NRDE2: variants seen among roughly 807,000 people sequenced by gnomAD.
The protein encoded by NRDE2 is nuclear exosome regulator NRDE2.
Under a neutral mutation model 124.2 loss-of-function variants are expected in NRDE2, and 76 were observed. The observed-to-expected ratio is 0.61, with a 90% confidence interval of 0.51 to 0.74. The LOEUF (loss-of-function observed/expected upper bound fraction) is 0.74. Among genes scored for constraint, NRDE2 ranks in the 30% least tolerant of loss-of-function variants. The pLI is 0.00. For synonymous variants in NRDE2, 489 were observed against 528.1 expected (o/e 0.93, Z 1.01); for missense variants, 1,314 against 1,417.3 (o/e 0.93, Z 1.17).
chr14:90,297,004 T>A (rs2139682944), intron 8 of NRDE2, among the ~76,000 whole-genome samples: 1 of 152,038 alleles, frequency 6.6e-6, no homozygotes, highest in Admixed American at 6.5e-5. Context: ...GAGGGCGTGG[T>A]GGTGCATACC....
Position 90,268,126 on chromosome 14 carries a change from G to A in NRDE2, c.*10210C>T. ...CATGCCTTAGCATGAGGGCCCGCCT[G>A]TTTTTGGTGTCCATTTAAGGTGGTA... On this transcript the variant is annotated 3_prime_UTR_variant, in exon 14 of 14. Transcript: ENST00000354366. 9.9e-7 allele frequency: 1 copy of A among 1,011,240 alleles called. No individual in the cohort carries two copies. Among genetic ancestry groups the A allele is most frequent in the Non-Finnish European group, 1.4e-6 (1 of 714,660 alleles). 62.6% of individuals were successfully genotyped at this position (1,011,240 alleles called of 1,614,324 possible).
In NRDE2 at chr14:90,288,853, G is replaced by A. The variant is rs1477055683; in HGVS notation, c.2522C>T (p.Ala841Val). ...EVELSPEVRR[A>V]ATARAVHILT... ...TATGTGAACAGCTCGAGCTGTGGCA[G>A]CCCTTCTCACTTCTGGCGACAGCTC... Residue 841 changes from alanine (A) to valine (V), a missense_variant, in exon 11 of 14, where the codon GCT (alanine) becomes GTT (valine). Transcript: ENST00000354366. The A allele has an allele frequency of 6.2e-7, 1 of 1,614,138 alleles. No individual in the cohort carries two copies. Among genetic ancestry groups the A allele is most frequent in the African/African-American group, 1.3e-5 (1 of 75,066 alleles).
Position 90,279,061 on chromosome 14 carries a change from C to T in NRDE2, c.3369+1G>A. 1 of 1,606,540 alleles carries T rather than the reference C, an allele frequency of 6.2e-7. No homozygotes were observed. Among genetic ancestry groups the T allele is most frequent in the Non-Finnish European group, 8.5e-7 (1 of 1,172,946 alleles). On this transcript the variant is annotated splice_donor_variant, in intron 13 of 13. Coordinates refer to ENST00000354366, the MANE Select transcript of NRDE2 (RefSeq NM_017970.4). LOFTEE classifies it high-confidence loss of function. Reference sequence around the variant, plus strand: ...AAGACACCATGGCCTTTAACACTTACCTTTGCCCAAGGGCAATTCTGAAGT... The same window carrying T: ...AAGACACCATGGCCTTTAACACTTATCTTTGCCCAAGGGCAATTCTGAAGT...
intron 4 of NRDE2, among the ~76,000 whole-genome samples, chr14:90,306,140 T>C (rs1179800675): frequency 1.3e-5 from 2 of 152,214 alleles, no homozygotes; most frequent in African/African-American, 4.8e-5. Context: ...CAACTTTTGC[T>C]GTATATTAAA....
chr14:90,316,013 A>G (rs1885034296), intron 3 of NRDE2, among the ~76,000 whole-genome samples: 2 of 151,924 alleles, frequency 1.3e-5, no homozygotes, highest in Non-Finnish European at 2.9e-5. Flanking sequence ...GGAGAAATAA[A>G]GCCCCCAAGG....
At chr14:90,278,966 C>A in intron 13 of NRDE2, 96 bp downstream of exon 13, 1 of 860,242 alleles carries the variant, frequency 1.2e-6, no homozygotes, top group Admixed American at 1.9e-5. Flanking sequence ...CCGAGCATCC[C>A]CGGTGCCGCG....
chr14:90,321,956 G>A (rs1436778570), intron 1 of NRDE2, among the ~76,000 whole-genome samples: 1 of 152,112 alleles, frequency 6.6e-6, no homozygotes, highest in South Asian at 2.1e-4. Context: ...AGCACAGCCT[G>A]GACACCACCT....
chr14:90,327,919 G>A lies in NRDE2; in HGVS notation c.64+3922C>T, dbSNP rs188650789. On this transcript the variant is annotated intron_variant, in intron 1 of 13. Coordinates refer to ENST00000354366, the MANE Select transcript of NRDE2 (RefSeq NM_017970.4). ...AGCACTTTGGGAGGCAGAGGCGGGCGGATCATGAGGTCAGGAGATTGAGAC... is the reference window on the plus strand; with the variant it reads ...AGCACTTTGGGAGGCAGAGGCGGGCAGATCATGAGGTCAGGAGATTGAGAC... Among the ~76,000 whole-genome samples the A allele has an allele frequency of 2.4e-3, 364 of 152,194 alleles. 3 individuals are homozygous for A. The highest frequency in any genetic ancestry group is 8.5e-3 in the African/African-American group (354 of 41,538).
intron 11 of NRDE2, 118 bp from the exon 12 acceptor site, chr14:90,286,610 G>C: frequency 7.7e-7 from 1 of 1,301,818 alleles, no homozygotes; most frequent in East Asian, 2.5e-5. Context: ...AGACTCAGGG[G>C]AGAACTGTCC....
In NRDE2 at chr14:90,326,363, G is replaced by A. The variant is rs917189018; in HGVS notation, c.64+5478C>T. Among the ~76,000 whole-genome samples the A allele has an allele frequency of 1.8e-4, 28 of 151,946 alleles. 1 individual carries two copies. The highest frequency in any genetic ancestry group is 1.6e-3 in the Admixed American group (25 of 15,262). ...CAAAAAATTAGCCGGGCGCGGTGGCGGGCGCCTGTAGTCCCAGCTACTCGG... is the reference window on the plus strand; with the variant it reads ...CAAAAAATTAGCCGGGCGCGGTGGCAGGCGCCTGTAGTCCCAGCTACTCGG... On this transcript the variant is annotated intron_variant, in intron 1 of 13. Transcript: ENST00000354366.
chr14:90,323,658 T>C (rs1566702523), intron 1 of NRDE2, among the ~76,000 whole-genome samples: 2 of 152,194 alleles, frequency 1.3e-5, no homozygotes, highest in Admixed American at 1.3e-4. Flanking sequence ...GCATTTAAGA[T>C]GATTATTACA....
intron 8 of NRDE2, among the ~76,000 whole-genome samples, chr14:90,295,708 A>T (rs1383040816): frequency 1.3e-5 from 2 of 152,244 alleles, no homozygotes; most frequent in East Asian, 3.8e-4. Flanking sequence ...CTCAACGCTA[A>T]CCTTTCAGGG....
chr14:90,301,143 T>C, intron 7 of NRDE2, 96 bp downstream of exon 7: 1 of 1,247,978 alleles, frequency 8.0e-7, no homozygotes, highest in Non-Finnish European at 1.2e-6. Context: ...ACACCACCTC[T>C]CATTATCCAC....
Position 90,298,893 on chromosome 14 carries a change from GAC to G in NRDE2, c.1546-515_1546-514del, listed in dbSNP as rs1884283539. Among the ~76,000 whole-genome samples the G allele has an allele frequency of 2.6e-5, 4 of 152,114 alleles. No individual in the cohort carries two copies. The South Asian group carries it at 8.3e-4, about 31-fold the overall frequency. The stretch of plus-strand genomic sequence containing the variant: ...TATTTTGAGAGGAAGGTTCCAACAA[GAC>G]AGACCATGAGCTACGTGACACAACC... On this transcript the variant is annotated intron_variant, in intron 7 of 13. Coordinates refer to ENST00000354366, the MANE Select transcript of NRDE2 (RefSeq NM_017970.4).
chr14:90,324,160 T>C (rs1885335716), intron 1 of NRDE2, among the ~76,000 whole-genome samples: 1 of 137,524 alleles, frequency 7.3e-6, no homozygotes, highest in African/African-American at 2.7e-5. Context: ...AGAAAGTGTT[T>C]GGGAAATAGA....
chr14:90,279,462 T>G (rs1595052176), intron 12 of NRDE2: 2 of 251,708 alleles, frequency 7.9e-6, no homozygotes, highest in South Asian at 1.0e-4. Flanking sequence ...AACCAAGGAG[T>G]GTCAGTGAGG....
rs777513109 is a variant in NRDE2, at chr14:90,303,925, C to G, written c.1005+10G>C. ...TTCTAAGGTAAGAGAATTGGGATGGCAACACATACCTGAAAAGCAACAAAT... is the reference window on the plus strand; with the variant it reads ...TTCTAAGGTAAGAGAATTGGGATGGGAACACATACCTGAAAAGCAACAAAT... On this transcript the variant is annotated intron_variant, in intron 5 of 13. Coordinates refer to ENST00000354366, the MANE Select transcript of NRDE2 (RefSeq NM_017970.4). The G allele has an allele frequency of 4.4e-6, 7 of 1,587,118 alleles. No individual in the cohort carries two copies. In the East Asian group the frequency reaches 1.6e-4, roughly 36 times the overall value.
At position 90,269,608 on chromosome 14, in the gene NRDE2, G is replaced by A; in HGVS notation, c.*8728C>T. The A allele has an allele frequency of 6.4e-7, 1 of 1,557,536 alleles. No individual in the cohort carries two copies. The highest frequency in any genetic ancestry group is 8.7e-7 in the Non-Finnish European group (1 of 1,142,996). ...TGTGTTTATATATTTGTGTTTAAGT[G>A]TGCTTTGGGAGGCCTATAAAATGAT... On this transcript the variant is annotated 3_prime_UTR_variant, in exon 14 of 14. Transcript: ENST00000354366.
In NRDE2 at chr14:90,289,120, T is replaced by G; in HGVS notation, c.2255A>C (p.Asn752Thr). Residue 752 changes from asparagine (N) to threonine (T), a missense_variant, in exon 11 of 14, where the codon AAC becomes ACC. Asn to Thr is a moderately conservative substitution (Grantham distance 65). Coordinates refer to ENST00000354366, the MANE Select transcript of NRDE2 (RefSeq NM_017970.4). ...AKVIWCLHTK[N>T]KKRLKSQGKN... Reference sequence around the variant, plus strand: ...CCCTTGAGACTTTAATCTCTTCTTGTTTTTAGTGTGCAGGCACCAAATGAC... The same window carrying G: ...CCCTTGAGACTTTAATCTCTTCTTGGTTTTAGTGTGCAGGCACCAAATGAC... 6.2e-7 allele frequency: 1 copy of G among 1,607,250 alleles called. No homozygotes were observed. The highest frequency in any genetic ancestry group is 8.5e-7 in the Non-Finnish European group (1 of 1,174,896).
Sources: gnomAD v4.1 joint callset for allele counts (sites outside exome capture counted in the v4.1 genomes callset) on GRCh38, gnomAD v4.1.1 for gene constraint, MANE v1.5 for transcripts, NCBI Gene and HGNC (gene_info 2026-07-23, HGNC 2026-07-21) for gene names.